Variants in RGP1 observed in about 807,000 individuals in gnomAD.
RGP1 encodes the protein RGP1 partner of RAB6A GEF complex.
Under a neutral mutation model 44.5 loss-of-function variants are expected in RGP1, and 28 were observed. The ratio of observed to expected loss-of-function variants is 0.63; its 90% CI spans 0.47 to 0.86. The LOEUF (loss-of-function observed/expected upper bound fraction) is 0.86, where lower values mean the gene tolerates loss of function less well. Among genes scored for constraint, RGP1 ranks in the 40% least tolerant of loss-of-function variants. The pLI is 0.00. For missense variants in RGP1, 417 were observed against 490.7 expected, an observed-to-expected ratio of 0.85 and a Z score of 1.42; for synonymous variants, 212 against 196.7, an observed-to-expected ratio of 1.08 and a Z score of -0.65.
intron 3 of RGP1, 56 bp from the exon 4 acceptor site, chr9:35,750,602 G>GTCTT: frequency 6.4e-7 from 1 of 1,566,772 alleles, no homozygotes; most frequent in Non-Finnish European, 8.8e-7. Flanking sequence ...TGCCGTGCTA[G>GTCTT]TCTTGTTCAG....
Position 35,755,402 on chromosome 9 carries a change from C to T in RGP1, c.*2528C>T, listed in dbSNP as rs1252315757. The T allele has an allele frequency of 6.6e-6, 1 of 152,222 alleles. No homozygotes were observed. The highest frequency in any genetic ancestry group is 2.4e-5 in the African/African-American group (1 of 41,444). 9.4% of individuals were successfully genotyped at this position (152,222 alleles called of 1,614,324 possible). A position where few individuals can be genotyped will look rare whatever the true frequency, so the allele number is the denominator to read the frequency against. On this transcript the variant is annotated 3_prime_UTR_variant, in exon 9 of 9. Coordinates refer to ENST00000378078, the MANE Select transcript of RGP1 (RefSeq NM_001080496.3). Reference sequence around the variant, plus strand: ...GCAGTTTGTGCATAGCTGAGGGCTTCTATTGGGGATGGCTGTCTCCTGGCA... The same window carrying T: ...GCAGTTTGTGCATAGCTGAGGGCTTTTATTGGGGATGGCTGTCTCCTGGCA...
intron 8 of RGP1, 90 bp downstream of exon 8, chr9:35,752,235 A>G (rs1057208840): frequency 5.7e-6 from 7 of 1,221,520 alleles, no homozygotes; most frequent in Non-Finnish European, 6.7e-6. Flanking sequence ...TTCCTTATAC[A>G]CACTCCCAGA....
chr9:35,760,502 G>T (rs1011195224), downstream of RGP1, among the ~76,000 whole-genome samples: 1 of 152,138 alleles, frequency 6.6e-6, no homozygotes, highest in East Asian at 1.9e-4. Context: ...TAGAATTACT[G>T]TACTAGAATA....
At chr9:35,787,082 A>G in the RGP1 span, among the ~76,000 whole-genome samples, 3 of 151,248 alleles carry the variant, frequency 2.0e-5, no homozygotes, top group East Asian at 1.9e-4. Flanking sequence ...CCTGGGCGAC[A>G]GTGTAAGACT....
the RGP1 span, among the ~76,000 whole-genome samples, chr9:35,778,680 C>A: frequency 9.9e-5 from 15 of 152,162 alleles, no homozygotes; most frequent in Admixed American, 9.2e-4. Context: ...GCCTACATAC[C>A]CACTCCCTCC....
chr9:35,771,587 A>T, the RGP1 span, among the ~76,000 whole-genome samples: 2 of 152,190 alleles, frequency 1.3e-5, no homozygotes, highest in Non-Finnish European at 2.9e-5. Context: ...CCCTGGGTTT[A>T]AGTGGTGGGT....
chr9:35,771,122 C>A, the RGP1 span, among the ~76,000 whole-genome samples: 1 of 152,096 alleles, frequency 6.6e-6, no homozygotes, highest in Non-Finnish European at 1.5e-5. Flanking sequence ...CCAGTTGATT[C>A]TCCTTGGCTC....
chr9:35,763,836 C>A, the RGP1 span, among the ~76,000 whole-genome samples: 2 of 134,558 alleles, frequency 1.5e-5, no homozygotes, highest in African/African-American at 2.7e-5. Flanking sequence ...GAGTCAAGAT[C>A]TTGCCACTGC....
At chr9:35,788,710 T>C in the RGP1 span, among the ~76,000 whole-genome samples, 1 of 152,218 alleles carries the variant, frequency 6.6e-6, no homozygotes, top group African/African-American at 2.4e-5. Context: ...TGGTTGCTGC[T>C]TAGGCCAGTA....
At chr9:35,771,325 T>C in the RGP1 span, among the ~76,000 whole-genome samples, 2 of 152,176 alleles carry the variant, frequency 1.3e-5, no homozygotes, top group South Asian at 2.1e-4. Flanking sequence ...CTTTACCCCT[T>C]CTGGAGGTGT....
At chr9:35,774,892 G>C in the RGP1 span, among the ~76,000 whole-genome samples, 1 of 151,996 alleles carries the variant, frequency 6.6e-6, no homozygotes, top group Non-Finnish European at 1.5e-5. Flanking sequence ...TTTTGGTGGG[G>C]GGGGCTTCAG....
the RGP1 span, chr9:35,772,133 C>A: frequency 6.6e-6 from 1 of 152,206 alleles, no homozygotes. Flanking sequence ...TGCCCACACC[C>A]AGTGAAACAA....
the RGP1 span, among the ~76,000 whole-genome samples, chr9:35,788,242 T>C: frequency 0.2 from 30,997 of 152,038 alleles, 3,361 homozygotes; most frequent in East Asian, 0.31. Flanking sequence ...GCTGGCCAAT[T>C]TGATGCTCTG....
At chr9:35,751,459 T>G (rs774741359) in intron 6 of RGP1, 47 bp downstream of exon 6, 1 of 1,611,134 alleles carries the variant, frequency 6.2e-7, no homozygotes, top group Admixed American at 1.7e-5. Context: ...CCCCTCATTG[T>G]TTTCCCATCT....
At chr9:35,777,772 T>A in the RGP1 span, among the ~76,000 whole-genome samples, 1 of 152,220 alleles carries the variant, frequency 6.6e-6, no homozygotes, top group East Asian at 1.9e-4. Flanking sequence ...GTTCTGCCCT[T>A]TGATGTTTTT....
In RGP1 at chr9:35,753,041, T is replaced by G; in HGVS notation, c.*167T>G. On this transcript the variant is annotated 3_prime_UTR_variant, in exon 9 of 9. Coordinates refer to ENST00000378078, the MANE Select transcript of RGP1 (RefSeq NM_001080496.3). This position sits in a 1 kb window ranked among gnomAD's most constrained non-coding sequence, Gnocchi z 4.2. ...TTCAGAATACATTGGCAGCTGCTAG[T>G]GGTTTCCCTGGAAGTGGCAGCAGCA... 4.4e-6 allele frequency: 7 copies of G among 1,588,782 alleles called. No individual in the cohort carries two copies. Among genetic ancestry groups the G allele is most frequent in the Non-Finnish European group, 6.0e-6 (7 of 1,161,802 alleles).
rs1038087925 is a variant in RGP1, at chr9:35,750,534, G to T, written c.254-124G>T. 3.7e-5 allele frequency: 48 copies of T among 1,297,676 alleles called. 1 individual carries two copies. The highest frequency in any genetic ancestry group is 4.8e-5 in the Non-Finnish European group (44 of 915,220). 80.4% of individuals were successfully genotyped at this position (1,297,676 alleles called of 1,614,324 possible). Reference sequence around the variant, plus strand: ...CATGACTATTGCTTTAGGGGTAGAAGACTATTCCCATTTCACAGCAGGGAC... The same window carrying T: ...CATGACTATTGCTTTAGGGGTAGAATACTATTCCCATTTCACAGCAGGGAC... On this transcript the variant is annotated intron_variant, in intron 3 of 8. Transcript: ENST00000378078.
In RGP1 at chr9:35,749,846, C is replaced by T. The variant is rs1201432922; in HGVS notation, c.91C>T (p.Pro31Ser). 3 of 1,613,138 alleles carry T rather than the reference C, an allele frequency of 1.9e-6. No homozygotes were observed. The highest frequency in any genetic ancestry group is 2.2e-5 in the East Asian group (1 of 44,884). Residue 31 changes from proline (P) to serine (S), a missense_variant, in exon 2 of 9, where the codon CCG (proline) becomes TCG (serine). Transcript: ENST00000378078. This position sits in a 1 kb window ranked among gnomAD's most constrained non-coding sequence, Gnocchi z 4.4. ...TGTAGTGACCGTCACCAACCCCCTT[C>T]CGCCCACGGCCACTTCTGCATCCAG... ...ECVVTVTNPL[P>S]PTATSASSEA...
chr9:35,766,532 T>C, the RGP1 span, among the ~76,000 whole-genome samples: 2 of 152,206 alleles, frequency 1.3e-5, no homozygotes, highest in South Asian at 2.1e-4. Context: ...GTTTTTTGTA[T>C]CCTGCATAAG....
Sources: gnomAD v4.1 joint callset for allele counts (sites outside exome capture counted in the v4.1 genomes callset) on GRCh38, gnomAD v4.1.1 for gene constraint, Gnocchi (gnomAD v3.1) non-coding constraint, MANE v1.5 for transcripts, NCBI Gene and HGNC (gene_info 2026-07-23, HGNC 2026-07-21) for gene names.